OR56A3: variants seen among roughly 807,000 people sequenced by gnomAD.
OR56A3 encodes the protein olfactory receptor family 56 subfamily A member 3, also known as olfactory receptor 56A3.
A neutral mutation model predicts 17.5 loss-of-function variants in OR56A3; 23 were observed. The ratio of observed to expected loss-of-function variants is 1.32; its 90% CI spans 0.95 to 1.87. The LOEUF is 1.87. Ranked by LOEUF, OR56A3 falls within the 40% of genes most tolerant of loss-of-function variation. The pLI is 0.00. For synonymous variants in OR56A3, 175 were observed against 150.6 expected, an observed-to-expected ratio of 1.16 and a Z score of -1.19; for missense variants, 366 against 380.1, an observed-to-expected ratio of 0.96 and a Z score of 0.31.
chr11:6,011,432 TTC>T, the OR56A3 span, among the ~76,000 whole-genome samples: 1 of 152,156 alleles, frequency 6.6e-6, no homozygotes, highest in Admixed American at 6.5e-5. Flanking sequence ...CATGCAATTT[TTC>T]TCTCTTTCTC....
chr11:5,966,219 A>AC, the OR56A3 span, among the ~76,000 whole-genome samples: 1 of 151,152 alleles, frequency 6.6e-6, no homozygotes, highest in Non-Finnish European at 1.5e-5. Context: ...AAAAAAAAAA[A>AC]AAAAAAAAAC....
At chr11:5,989,047 G>A in the OR56A3 span, among the ~76,000 whole-genome samples, 1 of 152,230 alleles carries the variant, frequency 6.6e-6, no homozygotes, top group Admixed American at 6.5e-5. Context: ...CTCTGAATAT[G>A]ATAGCTATAA....
the OR56A3 span, among the ~76,000 whole-genome samples, chr11:5,962,323 T>C: frequency 2.4e-3 from 370 of 152,320 alleles, 4 homozygotes; most frequent in African/African-American, 8.2e-3. Flanking sequence ...CTGCATCCAT[T>C]TTCATCAGGG....
the OR56A3 span, among the ~76,000 whole-genome samples, chr11:6,013,183 C>T: frequency 3.3e-5 from 5 of 152,362 alleles, no homozygotes; most frequent in South Asian, 1.0e-3. Context: ...GCTGCCTGCT[C>T]CTGGCTCCTA....
intron 1 of OR56A3, chr11:5,943,288 C>G (rs1847849851): frequency 6.6e-6 from 1 of 151,866 alleles, no homozygotes; most frequent in South Asian, 2.1e-4. Flanking sequence ...AATAATTATC[C>G]CAAAGCTCTT....
At chr11:6,002,968 T>C in the OR56A3 span, 4 of 1,614,044 alleles carry the variant, frequency 2.5e-6, no homozygotes, top group Non-Finnish European at 3.4e-6. Context: ...ACTGGGGCAG[T>C]GGAGTCATTG....
chr11:6,005,948 C>T, the OR56A3 span, among the ~76,000 whole-genome samples: 6 of 152,166 alleles, frequency 3.9e-5, no homozygotes, highest in South Asian at 6.2e-4. Context: ...AGGTCAAAGG[C>T]GAATCGTGGA....
chr11:5,992,526 A>C, the OR56A3 span, among the ~76,000 whole-genome samples: 5 of 152,162 alleles, frequency 3.3e-5, no homozygotes, highest in African/African-American at 1.2e-4. Context: ...TCCGGCATGC[A>C]AATCTCTGCT....
the OR56A3 span, chr11:5,967,597 TG>T: frequency 6.2e-7 from 1 of 1,612,650 alleles, no homozygotes; most frequent in South Asian, 1.1e-5. Context: ...TTGATCTCCT[TG>T]GTTCTCACAC....
chr11:5,986,311 C>A, the OR56A3 span: 3 of 1,614,012 alleles, frequency 1.9e-6, no homozygotes, highest in East Asian at 2.2e-5. Context: ...GGTTTCTGAG[C>A]AGGCAAGTTT....
At chr11:5,973,530 T>C in the OR56A3 span, among the ~76,000 whole-genome samples, 1 of 152,238 alleles carries the variant, frequency 6.6e-6, no homozygotes, top group Non-Finnish European at 1.5e-5. Context: ...CTTTTTTCAG[T>C]GGATGATTAT....
At chr11:5,973,289 TC>T in the OR56A3 span, among the ~76,000 whole-genome samples, 1 of 152,206 alleles carries the variant, frequency 6.6e-6, no homozygotes, top group Admixed American at 6.5e-5. Flanking sequence ...ATCAATAGCT[TC>T]CCATTGTTCA....
chr11:5,967,938 G>T, the OR56A3 span: 1 of 1,595,488 alleles, frequency 6.3e-7, no homozygotes, highest in East Asian at 2.3e-5. Context: ...TTTAGACACA[G>T]ACACGTTAGT....
chr11:6,016,879 AAAACAC>A, the OR56A3 span: 1 of 152,080 alleles, frequency 6.6e-6, no homozygotes, highest in African/African-American at 2.4e-5. Flanking sequence ...AAAGAAATAA[AAAACAC>A]AATAGAGTTT....
At chr11:6,009,485 T>C in the OR56A3 span, among the ~76,000 whole-genome samples, 9 of 152,224 alleles carry the variant, frequency 5.9e-5, no homozygotes, top group African/African-American at 2.2e-4. Flanking sequence ...TTTACATGTG[T>C]ATTCAAATTT....
the OR56A3 span, among the ~76,000 whole-genome samples, chr11:5,999,105 G>A: frequency 6.6e-6 from 1 of 152,112 alleles, no homozygotes; most frequent in Non-Finnish European, 1.5e-5. Flanking sequence ...TTCAACTAAA[G>A]GTCTTATGGG....
At chr11:5,984,505 G>T in the OR56A3 span, among the ~76,000 whole-genome samples, 4 of 152,182 alleles carry the variant, frequency 2.6e-5, no homozygotes, top group African/African-American at 9.7e-5. Context: ...AAAGCTGCCT[G>T]AGATGAAGCT....
the OR56A3 span, among the ~76,000 whole-genome samples, chr11:6,010,666 G>T: frequency 6.6e-6 from 1 of 152,252 alleles, no homozygotes; most frequent in East Asian, 1.9e-4. Context: ...CCCAGCCTCA[G>T]GTAGTTTGTC....
At chr11:5,983,371 G>A in the OR56A3 span, among the ~76,000 whole-genome samples, 1 of 151,200 alleles carries the variant, frequency 6.6e-6, no homozygotes, top group Non-Finnish European at 1.5e-5. Flanking sequence ...ATTTAGTTTA[G>A]TTTCCAATTA....
Sources: allele counts gnomAD v4.1 joint callset (sites outside exome capture counted in the v4.1 genomes callset), GRCh38; gene constraint gnomAD v4.1.1; transcripts MANE v1.5; gene names NCBI Gene and HGNC (gene_info 2026-07-23, HGNC 2026-07-21).